Variants in TTC34 observed in about 807,000 individuals in gnomAD.
The protein encoded by TTC34 is tetratricopeptide repeat domain 34.
A neutral mutation model predicts 40.7 loss-of-function variants in TTC34; 44 were observed. That is an observed-to-expected ratio of 1.08 (90% CI 0.85 to 1.39). The LOEUF (loss-of-function observed/expected upper bound fraction) is 1.39. Ranked by LOEUF, TTC34 falls within the 40% of genes most tolerant of loss-of-function variation. TTC34 has a pLI of 0.00. For missense variants in TTC34, 884 were observed against 838.0 expected (o/e 1.05, Z -0.68); for synonymous variants, 422 against 398.6 (o/e 1.06, Z -0.70).
chr1:2,637,056 G>C (rs1434981814), exon 9 of TTC34: 1 of 152,228 alleles, frequency 6.6e-6, no homozygotes, highest in East Asian at 1.9e-4. Context: ...TGCACGGGTG[G>C]TTCCCGACCT....
At chr1:2,795,700 C>G (rs1170140244) in intron 2 of TTC34, among the ~76,000 whole-genome samples, 1 of 152,196 alleles carries the variant, frequency 6.6e-6, no homozygotes, top group Non-Finnish European at 1.5e-5. Flanking sequence ...TCCTAGCGCT[C>G]TTAATGAAGA....
In TTC34 at chr1:2,645,695, C is replaced by T; in HGVS notation, c.2227-132G>A. 2.2e-6 allele frequency: 2 copies of T among 912,058 alleles called. No homozygotes were observed. Among genetic ancestry groups the T allele is most frequent in the South Asian group, 2.9e-5 (1 of 34,330 alleles). The allele number at this position is 912,058 out of a possible 1,614,324, so 56.5% of individuals were successfully genotyped here. A position where few individuals can be genotyped will look rare whatever the true frequency, so the allele number is the denominator to read the frequency against. ...TCCCTGGGGTCCTAGAGGGTCTGAA[C>T]ACCCAGCTTCCTGCCCCTTCCTGCT... On this transcript the variant is annotated intron_variant, in intron 6 of 8. Coordinates refer to ENST00000401095, the Ensembl canonical transcript of TTC34. This position sits in a 1 kb window ranked among gnomAD's most constrained non-coding sequence, Gnocchi z 4.7.
intron 2 of TTC34, among the ~76,000 whole-genome samples, chr1:2,794,969 GT>G (rs200158407): frequency 0.017 from 2,572 of 152,026 alleles, 58 homozygotes; most frequent in African/African-American, 0.058. Flanking sequence ...CAAAACTGAT[GT>G]TTTGACCTGG....
At chr1:2,656,033 C>T (rs1318317826) in intron 6 of TTC34, among the ~76,000 whole-genome samples, 28 of 151,796 alleles carry the variant, frequency 1.8e-4, no homozygotes, top group African/African-American at 6.1e-4. Context: ...GAGCATCCGA[C>T]AGCCTGGAGC....
At chr1:2,752,198 C>G (rs1243584303) in intron 6 of TTC34, among the ~76,000 whole-genome samples, 3 of 119,428 alleles carry the variant, frequency 2.5e-5, no homozygotes, top group East Asian at 5.8e-4. Flanking sequence ...CAGCCTGGAA[C>G]AGAACCCACA....
intron 6 of TTC34, among the ~76,000 whole-genome samples, chr1:2,683,471 A>C (rs1334057754): frequency 2.0e-5 from 3 of 151,352 alleles, no homozygotes; most frequent in Admixed American, 1.3e-4. Flanking sequence ...CAGCACCCAC[A>C]CCACCAGGCG....
At chr1:2,749,739 C>T (rs1442179935) in intron 6 of TTC34, among the ~76,000 whole-genome samples, 2 of 75,370 alleles carry the variant, frequency 2.7e-5, no homozygotes, top group South Asian at 6.8e-4. Flanking sequence ...AGGTGAGCAT[C>T]TGACAGACTG....
At chr1:2,799,199 C>T (rs1432637462) in intron 2 of TTC34, among the ~76,000 whole-genome samples, 1 of 152,228 alleles carries the variant, frequency 6.6e-6, no homozygotes, top group Non-Finnish European at 1.5e-5. Context: ...TGTCCTTACT[C>T]TGGTTCCTCT....
intron 6 of TTC34, among the ~76,000 whole-genome samples, chr1:2,779,769 A>C (rs1643450097): frequency 6.6e-6 from 1 of 152,174 alleles, no homozygotes; most frequent in South Asian, 2.1e-4. Context: ...AAAACTTCAT[A>C]GTAGCCATCC....
intron 6 of TTC34, among the ~76,000 whole-genome samples, chr1:2,652,495 G>A (rs1639178950): frequency 2.6e-5 from 4 of 151,974 alleles, no homozygotes; most frequent in Non-Finnish European, 4.4e-5. Flanking sequence ...CCCCAGGCGA[G>A]CATCTGACGG....
intron 6 of TTC34, among the ~76,000 whole-genome samples, chr1:2,683,594 C>T (rs1640181379): frequency 7.6e-6 from 1 of 132,308 alleles, no homozygotes; most frequent in Admixed American, 7.5e-5. Flanking sequence ...CACCCACACA[C>T]TCAGGCGAGC....
At chr1:2,652,559 C>G (rs1350206687) in intron 6 of TTC34, among the ~76,000 whole-genome samples, 12 of 151,966 alleles carry the variant, frequency 7.9e-5, no homozygotes, top group African/African-American at 1.9e-4. Flanking sequence ...GGAGCAGCAC[C>G]CACACCCCCA....
At chr1:2,793,216 T>C (rs1003381427) in intron 2 of TTC34, among the ~76,000 whole-genome samples, 2 of 152,208 alleles carry the variant, frequency 1.3e-5, no homozygotes, top group African/African-American at 2.4e-5. Flanking sequence ...TGGAAAATGG[T>C]CTCTCATTGT....
chr1:2,753,085 G>A (rs1262119885), intron 6 of TTC34, among the ~76,000 whole-genome samples: 3 of 143,122 alleles, frequency 2.1e-5, no homozygotes, highest in Admixed American at 7.1e-5. Context: ...GCCTGGAACG[G>A]CAACCACACC....
At chr1:2,665,727 GC>G in intron 6 of TTC34, among the ~76,000 whole-genome samples, 1 of 16,732 alleles carries the variant, frequency 6.0e-5, no homozygotes, top group African/African-American at 1.9e-4. Context: ...CAGCACCCAC[GC>G]CCCCAGGCGA....
intron 6 of TTC34, among the ~76,000 whole-genome samples, chr1:2,647,452 G>A (rs539292991): frequency 5.4e-4 from 82 of 152,146 alleles, no homozygotes; most frequent in Non-Finnish European, 1.1e-3. Flanking sequence ...GTGAAACCCC[G>A]TCTCTACTAA....
rs748073438 is a variant in TTC34 at position 2,641,515 on chromosome 1, G to A, written c.3093C>T (p.Arg1031=). The A allele has an allele frequency of 7.2e-6, 11 of 1,535,470 alleles. No homozygotes were observed. The South Asian group carries it at 1.1e-4, about 15-fold the overall frequency. ...GCTGCTCCTCCAGGCAGCACTGCCC[G>A]CGGAGAAGGAACATGCGTGCAGTGG... Residue 1031 remains arginine, a synonymous_variant, in exon 9 of 9, where the codon CGC becomes CGT. Coordinates refer to ENST00000401095, the Ensembl canonical transcript of TTC34.
intron 1 of TTC34, 100 bp downstream of exon 1, chr1:2,801,477 A>C (rs1643772578): frequency 6.6e-6 from 1 of 152,380 alleles, no homozygotes; most frequent in Admixed American, 6.5e-5. Flanking sequence ...CCTGTCCCCA[A>C]GCTACTTGAC....
chr1:2,752,815 C>T (rs1418584063), intron 6 of TTC34, among the ~76,000 whole-genome samples: 1 of 128,648 alleles, frequency 7.8e-6, no homozygotes. Flanking sequence ...CTCCCTGCAT[C>T]CCCAGGTGCG....
Sources: allele counts gnomAD v4.1 joint callset (sites outside exome capture counted in the v4.1 genomes callset), GRCh38; gene constraint gnomAD v4.1.1; non-coding constraint Gnocchi (gnomAD v3.1); transcripts MANE v1.5; gene names NCBI Gene and HGNC (gene_info 2026-07-23, HGNC 2026-07-21).